CDK6: variants seen among roughly 807,000 people sequenced by gnomAD.
CDK6 encodes cyclin-dependent kinase 6.
In CDK6, 6 loss-of-function variants were observed where a neutral mutation model predicts 37.1. The observed-to-expected ratio is 0.16, with a 90% CI of 0.09 to 0.32. CDK6 has a LOEUF of 0.32. Ranked by LOEUF, CDK6 falls within the 10% of genes least tolerant of loss-of-function variation. CDK6 has a pLI of 1.00. For synonymous variants in CDK6, 160 were observed against 161.3 expected, an observed-to-expected ratio of 0.99 and a Z score of 0.06; for missense variants, 224 against 418.9, an observed-to-expected ratio of 0.53 and a Z score of 4.06.
chr7:92,709,237 T>G (rs905282498), intron 4 of CDK6, among the ~76,000 whole-genome samples: 3 of 152,098 alleles, frequency 2.0e-5, no homozygotes, highest in Non-Finnish European at 4.4e-5. Flanking sequence ...GTAGACTGCT[T>G]TTTTTTAGGG....
At chr7:92,723,220 C>T (rs1200804681) in intron 4 of CDK6, among the ~76,000 whole-genome samples, 1 of 152,048 alleles carries the variant, frequency 6.6e-6, no homozygotes, top group Non-Finnish European at 1.5e-5. Flanking sequence ...ACTCTGGAAA[C>T]AGAGAGGAAA....
At position 92,835,127 on chromosome 7, in the gene CDK6, G is replaced by C. The variant is rs1402096111; in HGVS notation, c.-368+1351C>G. ...TGGAGCGGACCGCGGCGAGAGCAGA[G>C]CTTCTGGCACTCACTACATTCAGAA... is the stretch of plus-strand genomic sequence containing the variant. On this transcript the variant is annotated intron_variant, in intron 1 of 7. Transcript: ENST00000424848. This position sits in a 1 kb window ranked among gnomAD's most constrained non-coding sequence, Gnocchi z 4.2. 3 of 152,244 alleles carry C rather than the reference G, an allele frequency of 2.0e-5. No individual in the cohort carries two copies. The highest frequency in any genetic ancestry group is 4.4e-5 in the Non-Finnish European group (3 of 68,086). The allele number at this position is 152,244 out of a possible 1,614,324, so 9.4% of individuals were successfully genotyped here. A position where few individuals can be genotyped will look rare whatever the true frequency, so the allele number is the denominator to read the frequency against.
At chr7:92,716,058 C>A (rs1213923493) in intron 4 of CDK6, among the ~76,000 whole-genome samples, 1 of 152,150 alleles carries the variant, frequency 6.6e-6, no homozygotes, top group Admixed American at 6.5e-5. Context: ...TCCCTCAGAG[C>A]TCAAGTTATT....
At chr7:92,673,112 G>A (rs893163671) in intron 4 of CDK6, among the ~76,000 whole-genome samples, 1 of 152,180 alleles carries the variant, frequency 6.6e-6, no homozygotes, top group African/African-American at 2.4e-5. Flanking sequence ...AGCCCATGAA[G>A]ATGCCCTGGT....
At chr7:92,676,345 A>G (rs1331439254) in intron 4 of CDK6, among the ~76,000 whole-genome samples, 1 of 152,142 alleles carries the variant, frequency 6.6e-6, no homozygotes, top group African/African-American at 2.4e-5. Flanking sequence ...GAATTACAAC[A>G]GAGACTATGA....
chr7:92,684,373 A>G (rs769319958), intron 4 of CDK6, among the ~76,000 whole-genome samples: 18 of 152,222 alleles, frequency 1.2e-4, no homozygotes, highest in Non-Finnish European at 2.2e-4. Context: ...AAACAAAAGA[A>G]GTTGTTTTTC....
chr7:92,734,667 C>T (rs1238941117), intron 3 of CDK6, among the ~76,000 whole-genome samples: 1 of 152,158 alleles, frequency 6.6e-6, no homozygotes, highest in Non-Finnish European at 1.5e-5. Flanking sequence ...TTAAAAAGAA[C>T]TCACTGACTC....
At chr7:92,753,703 G>A (rs1432303101) in intron 3 of CDK6, among the ~76,000 whole-genome samples, 1 of 152,084 alleles carries the variant, frequency 6.6e-6, no homozygotes, top group Admixed American at 6.6e-5. Context: ...GCTCTAAGAG[G>A]GCCAACTAAA....
intron 5 of CDK6, among the ~76,000 whole-genome samples, chr7:92,657,157 T>G (rs1428641105): frequency 6.6e-6 from 1 of 152,158 alleles, no homozygotes; most frequent in African/African-American, 2.4e-5. Flanking sequence ...TGTCTCTGTG[T>G]TTTATAATCA....
chr7:92,670,923 C>T (rs377397106), intron 5 of CDK6, among the ~76,000 whole-genome samples: 1 of 152,184 alleles, frequency 6.6e-6, no homozygotes, highest in African/African-American at 2.4e-5. Flanking sequence ...TATATCTAAT[C>T]TCTCCTGTAC....
chr7:92,678,956 C>T (rs1054917929), intron 4 of CDK6, among the ~76,000 whole-genome samples: 1 of 152,180 alleles, frequency 6.6e-6, no homozygotes, highest in Non-Finnish European at 1.5e-5. Flanking sequence ...CTCAGGAAGC[C>T]TGCTCTACTT....
At chr7:92,666,877 T>C (rs532414190) in intron 5 of CDK6, among the ~76,000 whole-genome samples, 88 of 152,362 alleles carry the variant, frequency 5.8e-4, no homozygotes, top group Non-Finnish European at 7.9e-4. Context: ...TTTTAGAGTG[T>C]ACTACTACTT....
rs116532009 is a variant in CDK6 at position 92,636,957 on chromosome 7, C to T, written c.648-13871G>A. ...TGGGATTTAGGTGTGTGAACCACTG[C>T]GCCCAGCCCGATTGTATTTTCCTAA... is the stretch of plus-strand genomic sequence containing the variant. On this transcript the variant is annotated intron_variant, in intron 5 of 7. Transcript: ENST00000424848. Among the ~76,000 whole-genome samples, 1,160 of 152,286 alleles carry T rather than the reference C, an allele frequency of 7.6e-3. 10 individuals carry two copies. The highest frequency in any genetic ancestry group is 0.027 in the African/African-American group (1,103 of 41,550).
intron 5 of CDK6, among the ~76,000 whole-genome samples, chr7:92,631,036 A>C (rs1196017083): frequency 3.3e-5 from 5 of 152,170 alleles, no homozygotes; most frequent in African/African-American, 1.2e-4. Flanking sequence ...ACCATACCAC[A>C]TAATAAACTT....
rs140218053 is a variant in CDK6, at chr7:92,678,670, G to C, written c.538-7135C>G. On this transcript the variant is annotated intron_variant, in intron 4 of 7. Transcript: ENST00000424848. ...GTCTTGAAAAAATTAGATGTTATCTGATTCATCCTCATTATATGGCCACAA... is the reference window on the plus strand; with the variant it reads ...GTCTTGAAAAAATTAGATGTTATCTCATTCATCCTCATTATATGGCCACAA... 1.9e-3 allele frequency among the ~76,000 whole-genome samples: 291 copies of C among 152,272 alleles called. 1 individual carries two copies. The highest frequency in any genetic ancestry group is 6.7e-3 in the African/African-American group (279 of 41,556).
chr7:92,834,690 G>T lies in CDK6; in HGVS notation c.-367-1000C>A, dbSNP rs1187158907. Among the ~76,000 whole-genome samples the T allele has an allele frequency of 7.3e-6, 1 of 137,478 alleles. No homozygotes were observed. The highest frequency in any genetic ancestry group is 2.7e-5 in the African/African-American group (1 of 37,630). 90.2% of individuals were successfully genotyped at this position (137,478 alleles called of 152,430 possible). A position where few individuals can be genotyped will look rare whatever the true frequency, so the allele number is the denominator to read the frequency against. On this transcript the variant is annotated intron_variant, in intron 1 of 7. Transcript: ENST00000424848. This position sits in a 1 kb window ranked among gnomAD's most constrained non-coding sequence, Gnocchi z 4.6. ...TCCCTTTCAAAGGGTGGGGGGTGGG[G>T]GGTTAAATCCTGCGCCTCCAGGGGT...
intron 2 of CDK6, among the ~76,000 whole-genome samples, chr7:92,788,536 G>A (rs896179228): frequency 6.6e-6 from 1 of 152,068 alleles, no homozygotes; most frequent in Admixed American, 6.6e-5. Flanking sequence ...ATGTTTAACT[G>A]GTAGATGATT....
intron 2 of CDK6, among the ~76,000 whole-genome samples, chr7:92,825,194 A>G (rs556459059): frequency 6.6e-6 from 1 of 152,104 alleles, no homozygotes; most frequent in East Asian, 1.9e-4. Context: ...CCCATTTAAC[A>G]AAGCGTTGAA....
chr7:92,808,834 A>G (rs1800793671), intron 2 of CDK6, among the ~76,000 whole-genome samples: 1 of 152,208 alleles, frequency 6.6e-6, no homozygotes, highest in African/African-American at 2.4e-5. Context: ...GCATATTTTC[A>G]GTATGATTAT....
Sources: allele counts gnomAD v4.1 joint callset (sites outside exome capture counted in the v4.1 genomes callset), GRCh38; gene constraint gnomAD v4.1.1; non-coding constraint Gnocchi (gnomAD v3.1); transcripts MANE v1.5; gene names NCBI Gene and HGNC (gene_info 2026-07-23, HGNC 2026-07-21).